The following SPTLC1 variants were observed in gnomAD, a reference collection of about 807,000 sequenced individuals.
SPTLC1 encodes the protein serine palmitoyltransferase 1.
In SPTLC1, 55 loss-of-function variants were observed where a neutral mutation model predicts 68.9. The observed-to-expected ratio is 0.80, with a 90% confidence interval of 0.64 to 1.00. The LOEUF is 1.00. Ranked by LOEUF, SPTLC1 falls within the 50% of genes least tolerant of loss-of-function variation. SPTLC1 has a pLI of 0.00. For missense variants in SPTLC1, 449 were observed against 573.1 expected (o/e 0.78, Z 2.21); for synonymous variants, 197 against 201.6 (o/e 0.98, Z 0.19).
chr9:92,055,575 C>G, intron 7 of SPTLC1, 81 bp from the exon 8 acceptor site: 1 of 1,358,886 alleles, frequency 7.4e-7, no homozygotes, highest in South Asian at 1.2e-5. Context: ...AGCACTTTCA[C>G]CTTACAAGAT....
chr9:92,032,436 G>C lies in SPTLC1; in HGVS notation c.*29C>G, dbSNP rs1277639875. The C allele has an allele frequency of 6.2e-7, 1 of 1,613,994 alleles. No homozygotes were observed. Among genetic ancestry groups the C allele is most frequent in the African/African-American group, 1.3e-5 (1 of 74,928 alleles). On this transcript the variant is annotated 3_prime_UTR_variant, in exon 15 of 15. Coordinates refer to ENST00000262554, the MANE Select transcript of SPTLC1 (RefSeq NM_006415.4). ...CTTGAGTCCTCTCTGCGTGTTGTGT[G>C]GCAGGAGGCCATGGTCCCGGGACTC... is the stretch of plus-strand genomic sequence containing the variant.
chr9:92,047,813 T>C (rs1833573235), intron 9 of SPTLC1, 105 bp from the exon 10 acceptor site: 8 of 743,046 alleles, frequency 1.1e-5, no homozygotes, highest in Admixed American at 2.3e-5. Context: ...TCTGTTAATA[T>C]CTGGATTCAA....
At chr9:92,067,836 G>T in intron 6 of SPTLC1, 130 bp downstream of exon 6, 1 of 1,090,348 alleles carries the variant, frequency 9.2e-7, no homozygotes, top group Non-Finnish European at 1.3e-6. Context: ...CCTTTGGTGA[G>T]GTGACTATTT....
intron 12 of SPTLC1, among the ~76,000 whole-genome samples, chr9:92,039,455 C>G (rs1278489207): frequency 1.3e-5 from 2 of 152,122 alleles, no homozygotes; most frequent in African/African-American, 4.8e-5. Flanking sequence ...GCATCTCGCT[C>G]TGTCACTCAG....
chr9:92,096,866 C>A (rs1835546501), intron 3 of SPTLC1, among the ~76,000 whole-genome samples: 1 of 151,600 alleles, frequency 6.6e-6, no homozygotes, highest in Admixed American at 6.6e-5. Flanking sequence ...TCAAAGATCA[C>A]TATCAAAGAA....
At chr9:92,105,242 G>A in intron 3 of SPTLC1, 3 of 1,534,372 alleles carry the variant, frequency 2.0e-6, no homozygotes, top group Non-Finnish European at 1.7e-6. Flanking sequence ...GGAGAGAGAT[G>A]AGGGGCCCCC....
At chr9:92,070,841 T>C (rs147340445) in intron 5 of SPTLC1, among the ~76,000 whole-genome samples, 64 of 152,322 alleles carry the variant, frequency 4.2e-4, no homozygotes, top group Middle Eastern at 3.4e-3. Flanking sequence ...GAAAAGGTTT[T>C]ATTTTAAAAG....
chr9:92,075,259 C>T (rs925175618), intron 5 of SPTLC1, among the ~76,000 whole-genome samples: 2 of 152,166 alleles, frequency 1.3e-5, no homozygotes, highest in Non-Finnish European at 2.9e-5. Context: ...AGCTAATCTC[C>T]AAATTCCAAT....
chr9:92,079,994 A>G lies in SPTLC1; in HGVS notation c.427+22T>C, dbSNP rs2118673222. 1.9e-6 allele frequency: 3 copies of G among 1,602,092 alleles called. No homozygotes were observed. In the East Asian group the frequency reaches 6.7e-5, roughly 36 times the overall value. On this transcript the variant is annotated intron_variant, in intron 5 of 14. Coordinates refer to ENST00000262554, the MANE Select transcript of SPTLC1 (RefSeq NM_006415.4). ...TAACTATTGAAAGCAGTAGTCTCAA[A>G]GAGAACACAACAAAAACTTACCAAA... is the stretch of plus-strand genomic sequence containing the variant.
chr9:92,099,974 A>G (rs1448250310), intron 3 of SPTLC1, among the ~76,000 whole-genome samples: 1 of 152,186 alleles, frequency 6.6e-6, no homozygotes, highest in Non-Finnish European at 1.5e-5. Flanking sequence ...AGTCCACTCT[A>G]TGATGTTTGC....
At chr9:92,099,921 C>A (rs926481547) in intron 3 of SPTLC1, among the ~76,000 whole-genome samples, 1 of 152,130 alleles carries the variant, frequency 6.6e-6, no homozygotes, top group African/African-American at 2.4e-5. Flanking sequence ...AGTCTAGGTG[C>A]GTACCAGGTT....
At chr9:92,077,231 C>T (rs1834713568) in intron 5 of SPTLC1, among the ~76,000 whole-genome samples, 1 of 152,160 alleles carries the variant, frequency 6.6e-6, no homozygotes, top group Non-Finnish European at 1.5e-5. Flanking sequence ...AACCTTATTT[C>T]AGACACCACC....
intron 5 of SPTLC1, among the ~76,000 whole-genome samples, chr9:92,075,623 A>G (rs1412826556): frequency 6.6e-6 from 1 of 152,216 alleles, no homozygotes; most frequent in Non-Finnish European, 1.5e-5. Flanking sequence ...TCATGCCTGC[A>G]TGCCACAGCA....
chr9:92,073,019 A>C (rs1834553329), intron 5 of SPTLC1, among the ~76,000 whole-genome samples: 1 of 148,062 alleles, frequency 6.8e-6, no homozygotes, highest in East Asian at 2.0e-4. Context: ...CCCACAAGCC[A>C]CCCCTTTACG....
intron 3 of SPTLC1, chr9:92,105,192 C>G: frequency 6.5e-7 from 1 of 1,534,062 alleles, no homozygotes; most frequent in Non-Finnish European, 8.7e-7. Context: ...TCGGGGCCAC[C>G]GCTGCAGCTG....
intron 3 of SPTLC1, among the ~76,000 whole-genome samples, chr9:92,097,388 ATT>A (rs530770111): frequency 2.1e-4 from 32 of 152,342 alleles, no homozygotes; most frequent in Non-Finnish European, 3.5e-4. Flanking sequence ...CAGTTTTATT[ATT>A]TTTTATTTTT....
At chr9:92,049,839 T>A in intron 9 of SPTLC1, 121 bp downstream of exon 9, 2 of 786,846 alleles carry the variant, frequency 2.5e-6, no homozygotes, top group East Asian at 2.6e-5. Flanking sequence ...GACACCAAAG[T>A]TTCGTGACCC....
chr9:92,052,115 T>A (rs1334629261), intron 8 of SPTLC1, among the ~76,000 whole-genome samples: 1 of 152,172 alleles, frequency 6.6e-6, no homozygotes, highest in East Asian at 1.9e-4. Flanking sequence ...CAAATGGAAT[T>A]TCAAGAGACC....
At chr9:92,086,124 G>A (rs1381671802) in intron 3 of SPTLC1, among the ~76,000 whole-genome samples, 5 of 151,570 alleles carry the variant, frequency 3.3e-5, no homozygotes, top group Non-Finnish European at 7.4e-5. Flanking sequence ...TTTATTTTGA[G>A]CCTATGTGTG....
Sources: gnomAD v4.1 joint callset for allele counts (sites outside exome capture counted in the v4.1 genomes callset) on GRCh38, gnomAD v4.1.1 for gene constraint, MANE v1.5 for transcripts, NCBI Gene and HGNC (gene_info 2026-07-23, HGNC 2026-07-21) for gene names.